The following MIOS variants were observed in gnomAD, a reference collection of about 807,000 sequenced individuals.
The protein encoded by MIOS is GATOR2 complex protein MIOS.
MIOS carries 52 observed loss-of-function variants against 96.9 expected under a neutral mutation model. The ratio of observed to expected loss-of-function variants is 0.54; its 90% CI spans 0.43 to 0.68. MIOS has a LOEUF of 0.68. Among genes scored for constraint, MIOS ranks in the 30% least tolerant of loss-of-function variants. The pLI, the probability that MIOS is intolerant of heterozygous loss-of-function variation, is 0.00. For missense variants in MIOS, 1,005 were observed against 1,052.8 expected (o/e 0.95, Z 0.63); for synonymous variants, 397 against 359.5 (o/e 1.10, Z -1.18).
chr7:7,577,891 GT>G (rs1302385521), intron 5 of MIOS, among the ~76,000 whole-genome samples: 1 of 152,202 alleles, frequency 6.6e-6, no homozygotes, highest in African/African-American at 2.4e-5. Flanking sequence ...ATAAAGGACA[GT>G]AGGGCAAGAT....
rs575039877 is a variant in MIOS at position 7,570,919 on chromosome 7, G to C, written c.-40-1517G>C. Among the ~76,000 whole-genome samples, 27 of 152,290 alleles carry C rather than the reference G, an allele frequency of 1.8e-4. 1 individual carries two copies. The South Asian group carries it at 5.2e-3, about 29-fold the overall frequency. On this transcript the variant is annotated intron_variant, in intron 3 of 12. Transcript: ENST00000340080. The stretch of plus-strand genomic sequence containing the variant: ...AACTGGTCTGCGGCCCTGGGAGTTG[G>C]GGACCCCTGGTCTAAATTATATGAG...
rs1326812492 is a variant in MIOS at position 7,597,525 on chromosome 7, A to G, written c.2401+1064A>G. On this transcript the variant is annotated intron_variant, in intron 11 of 12. Coordinates refer to ENST00000340080, the MANE Select transcript of MIOS (RefSeq NM_019005.4). ...ATATATATATATATATATGAAGGCAATACGTAATGTTTTAAATGTACATTT... is the reference window on the plus strand; with the variant it reads ...ATATATATATATATATATGAAGGCAGTACGTAATGTTTTAAATGTACATTT... Among the ~76,000 whole-genome samples, 11 of 89,926 alleles carry G rather than the reference A, an allele frequency of 1.2e-4. 2 individuals carry two copies. The highest frequency in any genetic ancestry group is 2.3e-4 in the Admixed American group (2 of 8,532). 59.0% of individuals were successfully genotyped at this position (89,926 alleles called of 152,430 possible).
At chr7:7,596,604 C>T (rs1460354997) in intron 11 of MIOS, 143 bp downstream of exon 11, 5 of 752,652 alleles carry the variant, frequency 6.6e-6, no homozygotes, top group African/African-American at 3.5e-5. Context: ...TTTTATGTTC[C>T]TATAATTTAT....
In MIOS at chr7:7,573,646, G is replaced by A. The variant is rs572084476; in HGVS notation, c.1171G>A (p.Ala391Thr). 1.2e-6 allele frequency: 2 copies of A among 1,613,986 alleles called. No individual in the cohort carries two copies. The highest frequency in any genetic ancestry group is 1.3e-5 in the African/African-American group (1 of 75,038). ...TGATAATTCTTTAGAAAAAGATATA[G>A]CAACGAAGATGCGTCTTCGGGCTTT... ...ENDNSLEKDI[A>T]TKMRLRALSR... Residue 391 changes from alanine to threonine, a missense_variant, in exon 4 of 13, where the codon GCA becomes ACA. Ala to Thr is a moderately conservative substitution (Grantham distance 58). Transcript: ENST00000340080. The surrounding 1 kb of genome is among the most constrained non-coding windows in gnomAD (Gnocchi z 5.0).
chr7:7,600,972 G>A (rs375806613), intron 11 of MIOS, among the ~76,000 whole-genome samples: 1 of 152,082 alleles, frequency 6.6e-6, no homozygotes, highest in Non-Finnish European at 1.5e-5. Flanking sequence ...TGACTACTGG[G>A]TACATAACGA....
chr7:7,603,574 G>T (rs144438145), intron 11 of MIOS, among the ~76,000 whole-genome samples: 2 of 152,132 alleles, frequency 1.3e-5, no homozygotes, highest in African/African-American at 4.8e-5. Flanking sequence ...AGGTGTTGGA[G>T]AGGATGTGAA....
rs751858360 is a variant in MIOS, at chr7:7,573,337, A to G, written c.862A>G (p.Arg288Gly). ...GACTGGTCTACTTGCCACTTTAACA[A>G]GGGATAGTAATATTATTAGATTGTA... ...TRTGLLATLT[R>G]DSNIIRLYDM... is the part of the protein sequence containing the mutation. Residue 288 changes from arginine (R) to glycine (G), a missense_variant, in exon 4 of 13, where the codon AGG (arginine) becomes GGG (glycine). By Grantham distance (125) the Arg-to-Gly change is moderately radical (BLOSUM62 -2). This residue lies in a region of MIOS where 865 missense variants were observed against 887.9 expected (regional missense o/e 0.97). Coordinates refer to ENST00000340080, the MANE Select transcript of MIOS (RefSeq NM_019005.4). This position sits in a 1 kb window ranked among gnomAD's most constrained non-coding sequence, Gnocchi z 5.0. The G allele has an allele frequency of 5.6e-6, 9 of 1,614,118 alleles. No homozygotes were observed. Among genetic ancestry groups the G allele is most frequent in the Non-Finnish European group, 6.8e-6 (8 of 1,179,974 alleles).
intron 9 of MIOS, among the ~76,000 whole-genome samples, chr7:7,590,244 C>T (rs1300600524): frequency 2.6e-5 from 4 of 152,130 alleles, no homozygotes; most frequent in Non-Finnish European, 5.9e-5. Context: ...AAAATGCCCC[C>T]TCTCCCACTG....
At position 7,607,008 on chromosome 7, in the gene MIOS, G is replaced by A; in HGVS notation, c.2544G>A (p.Glu848=). The A allele has an allele frequency of 1.2e-6, 2 of 1,611,196 alleles. No individual in the cohort carries two copies. Among genetic ancestry groups the A allele is most frequent in the South Asian group, 1.1e-5 (1 of 90,852 alleles). Residue 848 remains glutamate (E), a synonymous_variant, in exon 13 of 13, where the codon GAG becomes GAA. Transcript: ENST00000340080. Reference sequence around the variant, plus strand: ...CCTATTTTTTTAGGGACCATGCAGAGTGCCCTGTGTCGGCATGCACGTGTA... The same window carrying A: ...CCTATTTTTTTAGGGACCATGCAGAATGCCCTGTGTCGGCATGCACGTGTA... ...HMLSWFRDHA[E]CPVSACTCKC...
chr7:7,582,959 A>G (rs1490211553), intron 5 of MIOS, 159 bp from the exon 6 acceptor site: 4 of 842,170 alleles, frequency 4.7e-6, no homozygotes, highest in South Asian at 4.5e-5. Flanking sequence ...AACATGCAAA[A>G]TATGTTGTAT....
intron 4 of MIOS, 54 bp from the exon 5 acceptor site, chr7:7,574,044 T>C: frequency 2.9e-6 from 4 of 1,374,274 alleles, no homozygotes; most frequent in Non-Finnish European, 4.0e-6. Context: ...AAAATAAATT[T>C]AGCTTTGAAA....
intron 12 of MIOS, among the ~76,000 whole-genome samples, chr7:7,606,588 C>T (rs1282523645): frequency 6.6e-6 from 1 of 152,152 alleles, no homozygotes; most frequent in East Asian, 1.9e-4. Flanking sequence ...AATTTAAACT[C>T]TGAGCACATC....
chr7:7,577,295 G>C (rs1449594685), intron 5 of MIOS, among the ~76,000 whole-genome samples: 1 of 152,162 alleles, frequency 6.6e-6, no homozygotes, highest in Admixed American at 6.5e-5. Context: ...GAACTAAAAA[G>C]GACTCACTGA....
At chr7:7,591,621 G>A (rs1784050881) in intron 9 of MIOS, among the ~76,000 whole-genome samples, 1 of 152,012 alleles carries the variant, frequency 6.6e-6, no homozygotes, top group South Asian at 2.1e-4. Context: ...TGTTTTCCTT[G>A]CAACCATCAA....
rs1392068453 is a variant in MIOS at position 7,588,479 on chromosome 7, C to CT, written c.1819-14dup. 6.5e-7 allele frequency: 1 copy of CT among 1,543,680 alleles called. No homozygotes were observed. The highest frequency in any genetic ancestry group is 8.8e-7 in the Non-Finnish European group (1 of 1,141,158). On this transcript the variant is annotated intron_variant, in intron 7 of 12. Transcript: ENST00000340080. The stretch of plus-strand genomic sequence containing the variant: ...CAGTGCGCCTAGAAGTAACTCCTTG[C>CT]TTTTTCTCTTCTTTCCAGTATGAAA...
intron 12 of MIOS, 75 bp from the exon 13 acceptor site, chr7:7,606,921 T>TA: frequency 8.3e-7 from 1 of 1,207,542 alleles, no homozygotes; most frequent in Admixed American, 2.0e-5. Flanking sequence ...CCCTGTCTCT[T>TA]AAAAAATAAA....
intron 5 of MIOS, among the ~76,000 whole-genome samples, chr7:7,579,897 C>T (rs566549338): frequency 6.6e-6 from 1 of 152,258 alleles, no homozygotes; most frequent in Admixed American, 6.5e-5. Context: ...CAGAATGTAT[C>T]CCTACTGTTA....
chr7:7,601,876 G>GATCA (rs1437978958), intron 11 of MIOS, among the ~76,000 whole-genome samples: 7 of 152,142 alleles, frequency 4.6e-5, no homozygotes, highest in Non-Finnish European at 1.5e-5. Context: ...TATCCACCAT[G>GATCA]ATCAAGTGGG....
chr7:7,607,178 C>A lies in MIOS; in HGVS notation c.*86C>A. 2 of 927,578 alleles carry A rather than the reference C, an allele frequency of 2.2e-6. No homozygotes were observed. Among genetic ancestry groups the A allele is most frequent in the Non-Finnish European group, 3.3e-6 (2 of 604,918 alleles). 57.5% of individuals were successfully genotyped at this position (927,578 alleles called of 1,614,324 possible). On this transcript the variant is annotated 3_prime_UTR_variant, in exon 13 of 13. Transcript: ENST00000340080. ...GCTCAGAAACATACCTCAGAACAAG[C>A]CATTCATGACTTACCTGTAATGGGA...
Sources: allele counts gnomAD v4.1 joint callset (sites outside exome capture counted in the v4.1 genomes callset), GRCh38; gene constraint gnomAD v4.1.1; regional missense constraint gnomAD v4.1.1; non-coding constraint Gnocchi (gnomAD v3.1); transcripts MANE v1.5; gene names NCBI Gene and HGNC (gene_info 2026-07-23, HGNC 2026-07-21).